TAFA4: variants seen among roughly 807,000 people sequenced by gnomAD.
The protein encoded by TAFA4 is TAFA chemokine like family member 4, also known as chemokine-like protein TAFA-4.
Under a neutral mutation model 21.1 loss-of-function variants are expected in TAFA4, and 20 were observed. The observed-to-expected ratio is 0.95, with a 90% CI of 0.67 to 1.38. TAFA4 has a LOEUF of 1.38. Among genes scored for constraint, TAFA4 ranks in the 40% most tolerant of loss-of-function variants. The pLI is 0.00. For synonymous variants in TAFA4, 71 were observed against 67.4 expected, an observed-to-expected ratio of 1.05 and a Z score of -0.26; for missense variants, 211 against 180.9, an observed-to-expected ratio of 1.17 and a Z score of -0.95.
At chr3:68,781,238 T>C (rs1213602075) in intron 3 of TAFA4, among the ~76,000 whole-genome samples, 3 of 145,978 alleles carry the variant, frequency 2.1e-5, no homozygotes, top group Non-Finnish European at 4.5e-5. Flanking sequence ...CTTAAAACTA[T>C]ATAAAGAAGA....
intron 3 of TAFA4, among the ~76,000 whole-genome samples, chr3:68,841,882 A>T (rs1023493563): frequency 5.3e-5 from 8 of 152,074 alleles, no homozygotes; most frequent in Admixed American, 2.0e-4. Context: ...GAACTCATCC[A>T]TTTTTATGGC....
At chr3:68,843,940 C>G (rs529216326) in intron 3 of TAFA4, among the ~76,000 whole-genome samples, 1 of 152,136 alleles carries the variant, frequency 6.6e-6, no homozygotes, top group Admixed American at 6.6e-5. Context: ...TGAGGATTTT[C>G]GCATCGGTGT....
chr3:68,798,606 T>C (rs963195286), intron 3 of TAFA4, among the ~76,000 whole-genome samples: 7 of 152,154 alleles, frequency 4.6e-5, no homozygotes, highest in African/African-American at 1.7e-4. Flanking sequence ...AGCACAAAAA[T>C]ATAAAATCAT....
At chr3:68,880,412 A>G (rs898773080) in intron 3 of TAFA4, among the ~76,000 whole-genome samples, 1 of 150,190 alleles carries the variant, frequency 6.7e-6, no homozygotes, top group African/African-American at 2.4e-5. Context: ...GGGCAGATGG[A>G]CTGACATGTA....
At chr3:68,759,210 G>A (rs1702715252) in intron 3 of TAFA4, among the ~76,000 whole-genome samples, 1 of 152,186 alleles carries the variant, frequency 6.6e-6, no homozygotes, top group African/African-American at 2.4e-5. Context: ...CAGGTCCTCA[G>A]CAGATTGGAT....
At chr3:68,822,346 C>A (rs1353083254) in intron 3 of TAFA4, among the ~76,000 whole-genome samples, 1 of 152,204 alleles carries the variant, frequency 6.6e-6, no homozygotes, top group African/African-American at 2.4e-5. Flanking sequence ...GTGTGTCCTG[C>A]TGAGTGACAA....
At chr3:68,747,124 C>CTTACGAAAATAATT (rs1450631021) in intron 4 of TAFA4, among the ~76,000 whole-genome samples, 1 of 152,190 alleles carries the variant, frequency 6.6e-6, no homozygotes, top group East Asian at 1.9e-4. Context: ...AAAGCTCTTA[C>CTTACGAAAATAATT]TTACGAAAAT....
At chr3:68,820,198 T>C (rs1412237324) in intron 3 of TAFA4, among the ~76,000 whole-genome samples, 2 of 152,136 alleles carry the variant, frequency 1.3e-5, no homozygotes, top group Non-Finnish European at 2.9e-5. Context: ...AAGACAAATA[T>C]TGTATGACCT....
intron 4 of TAFA4, among the ~76,000 whole-genome samples, chr3:68,745,885 G>C (rs897236765): frequency 3.6e-4 from 55 of 152,158 alleles, no homozygotes; most frequent in African/African-American, 1.0e-3. Context: ...AACTTGATTG[G>C]ATTAAAGGAT....
rs1255948064 is a variant in TAFA4, at chr3:68,794,883, CAG to C, written c.131-41867_131-41866del. ...GAATTGCTCCCAACAAAAAGACAAA[CAG>C]AAAAAAAAAATACAGCTGTTGCAGA... is the stretch of plus-strand genomic sequence containing the variant. On this transcript the variant is annotated intron_variant, in intron 3 of 5. Transcript: ENST00000295569. Among the ~76,000 whole-genome samples, 4 of 149,348 alleles carry C rather than the reference CAG, an allele frequency of 2.7e-5. No individual in the cohort carries two copies. In the East Asian group the frequency reaches 7.9e-4, roughly 29 times the overall value.
intron 1 of TAFA4, among the ~76,000 whole-genome samples, chr3:68,922,229 T>C (rs138752729): frequency 2.1e-3 from 325 of 152,334 alleles, no homozygotes; most frequent in African/African-American, 5.9e-3. Context: ...CGGCACCTCA[T>C]GGGAGCCTCC....
chr3:68,771,267 G>A (rs1702951615), intron 3 of TAFA4, among the ~76,000 whole-genome samples: 1 of 152,246 alleles, frequency 6.6e-6, no homozygotes, highest in Non-Finnish European at 1.5e-5. Flanking sequence ...TGATAAGGCA[G>A]AATGTGTAAT....
At chr3:68,796,954 A>G (rs1253284285) in intron 3 of TAFA4, among the ~76,000 whole-genome samples, 3 of 152,216 alleles carry the variant, frequency 2.0e-5, no homozygotes, top group Non-Finnish European at 4.4e-5. Context: ...TTTCATTACA[A>G]TGACTACTAT....
intron 3 of TAFA4, among the ~76,000 whole-genome samples, chr3:68,815,699 C>A (rs1035219078): frequency 6.6e-6 from 1 of 152,144 alleles, no homozygotes; most frequent in Admixed American, 6.5e-5. Flanking sequence ...AATAGGAACA[C>A]TTTTACACTG....
At chr3:68,870,676 A>G (rs1173670986) in intron 3 of TAFA4, among the ~76,000 whole-genome samples, 1 of 152,034 alleles carries the variant, frequency 6.6e-6, no homozygotes, top group Non-Finnish European at 1.5e-5. Flanking sequence ...TCTATCAGCC[A>G]ACCGTCTAGG....
chr3:68,822,905 T>G (rs1196952668), intron 3 of TAFA4, among the ~76,000 whole-genome samples: 1 of 152,220 alleles, frequency 6.6e-6, no homozygotes, highest in Non-Finnish European at 1.5e-5. Flanking sequence ...TAAGTCTGCT[T>G]TACAAATAAC....
intron 3 of TAFA4, among the ~76,000 whole-genome samples, chr3:68,769,430 T>C (rs1702912746): frequency 6.6e-6 from 1 of 152,108 alleles, no homozygotes; most frequent in African/African-American, 2.4e-5. Context: ...CATCCTCCCA[T>C]CCCAGTGCAT....
chr3:68,810,803 C>A (rs1703818318), intron 3 of TAFA4, among the ~76,000 whole-genome samples: 1 of 152,196 alleles, frequency 6.6e-6, no homozygotes, highest in South Asian at 2.1e-4. Context: ...ATGTCCCTGT[C>A]TCACAGCTTT....
chr3:68,829,450 G>T (rs1704325836), intron 3 of TAFA4, among the ~76,000 whole-genome samples: 1 of 152,178 alleles, frequency 6.6e-6, no homozygotes, highest in Non-Finnish European at 1.5e-5. Flanking sequence ...AAATAATCAT[G>T]TGGTTTTTGT....
Sources: gnomAD v4.1 joint callset for allele counts (sites outside exome capture counted in the v4.1 genomes callset) on GRCh38, gnomAD v4.1.1 for gene constraint, MANE v1.5 for transcripts, NCBI Gene and HGNC (gene_info 2026-07-23, HGNC 2026-07-21) for gene names.